Variants in NOL4 observed in about 807,000 individuals in gnomAD.
NOL4 encodes nucleolar protein 4, also known as cancer/testis antigen 125.
In NOL4, 17 loss-of-function variants were observed where a neutral mutation model predicts 75.9. The observed-to-expected ratio is 0.22, with a 90% confidence interval of 0.15 to 0.34. NOL4 has a LOEUF of 0.34. Ranked by LOEUF, NOL4 falls within the 10% of genes least tolerant of loss-of-function variation. The probability of loss-of-function intolerance (pLI) is 1.00; values close to 1 mark genes in which losing one functional copy is unlikely to be tolerated. For missense variants in NOL4, 614 were observed against 793.5 expected, an observed-to-expected ratio of 0.77 and a Z score of 2.72; for synonymous variants, 292 against 289.9, an observed-to-expected ratio of 1.01 and a Z score of -0.07.
chr18:33,922,595 G>C (rs1320565168), intron 9 of NOL4, among the ~76,000 whole-genome samples: 1 of 152,140 alleles, frequency 6.6e-6, no homozygotes, highest in African/African-American at 2.4e-5. Flanking sequence ...GCCTGAAAGA[G>C]CAGACAAATT....
chr18:34,024,194 A>AAAAAAAATATATATATATATATATATAT, intron 5 of NOL4, among the ~76,000 whole-genome samples: 2 of 70,684 alleles, frequency 2.8e-5, no homozygotes, highest in African/African-American at 1.1e-4. Context: ...AAAAAAAAAA[A>AAAAAAAATATATATATATATATATATAT]ATATATATAT....
At chr18:34,163,744 A>C (rs1448055281) in intron 1 of NOL4, among the ~76,000 whole-genome samples, 2 of 152,206 alleles carry the variant, frequency 1.3e-5, no homozygotes, top group Non-Finnish European at 2.9e-5. Context: ...AAACTACTTT[A>C]AAGTTCATAT....
intron 5 of NOL4, among the ~76,000 whole-genome samples, chr18:34,024,187 AAAAAAAAATATAT>A (rs1200884441): frequency 1.1e-5 from 1 of 89,490 alleles, no homozygotes; most frequent in Admixed American, 1.5e-4. Context: ...ACAGGAAAAA[AAAAAAAAATATAT>A]ATATATATAT....
chr18:34,163,713 C>T (rs542251680), intron 1 of NOL4, among the ~76,000 whole-genome samples: 1 of 152,248 alleles, frequency 6.6e-6, no homozygotes, highest in South Asian at 2.1e-4. Context: ...CTACCAGTGA[C>T]TTTCTTCACA....
chr18:33,935,334 C>T (rs1236114276), intron 9 of NOL4, among the ~76,000 whole-genome samples: 1 of 152,112 alleles, frequency 6.6e-6, no homozygotes, highest in African/African-American at 2.4e-5. Context: ...TGAGACTCTT[C>T]CTTTCACTTG....
chr18:34,145,067 C>G (rs918397767), intron 1 of NOL4, among the ~76,000 whole-genome samples: 8 of 152,064 alleles, frequency 5.3e-5, no homozygotes, highest in African/African-American at 1.9e-4. Flanking sequence ...AAGATATTGA[C>G]AGACAAGAAC....
At chr18:34,116,492 T>C (rs941100373) in intron 2 of NOL4, among the ~76,000 whole-genome samples, 9 of 152,202 alleles carry the variant, frequency 5.9e-5, no homozygotes, top group African/African-American at 1.9e-4. Flanking sequence ...GGTAAACTTA[T>C]AAGTTATCCA....
intron 2 of NOL4, among the ~76,000 whole-genome samples, chr18:34,120,724 C>A (rs995469139): frequency 2.0e-5 from 3 of 151,968 alleles, no homozygotes; most frequent in Non-Finnish European, 4.4e-5. Flanking sequence ...CAGTATTCTC[C>A]AAAGATAGGG....
At chr18:33,896,227 C>T (rs562693733) in intron 9 of NOL4, among the ~76,000 whole-genome samples, 5 of 152,120 alleles carry the variant, frequency 3.3e-5, no homozygotes, top group African/African-American at 1.2e-4. Context: ...CTCTACTGCC[C>T]AAAGCAATTT....
intron 9 of NOL4, among the ~76,000 whole-genome samples, chr18:33,931,449 G>T (rs1249332278): frequency 6.6e-6 from 1 of 152,130 alleles, no homozygotes; most frequent in East Asian, 1.9e-4. Context: ...TTAAAGTAGT[G>T]TCTGAGCACA....
At chr18:33,863,885 T>G (rs2063302774) in intron 10 of NOL4, among the ~76,000 whole-genome samples, 1 of 152,136 alleles carries the variant, frequency 6.6e-6, no homozygotes, top group Non-Finnish European at 1.5e-5. Flanking sequence ...TATCCAGGTG[T>G]TCCCATACAG....
At chr18:33,895,056 A>G (rs1000104303) in intron 9 of NOL4, among the ~76,000 whole-genome samples, 1 of 152,172 alleles carries the variant, frequency 6.6e-6, no homozygotes, top group African/African-American at 2.4e-5. Context: ...CACTGTGTAC[A>G]TATATCAAAA....
chr18:34,202,767 T>C (rs1200835191), intron 1 of NOL4, among the ~76,000 whole-genome samples: 2 of 152,066 alleles, frequency 1.3e-5, no homozygotes, highest in Non-Finnish European at 2.9e-5. Context: ...ATGATGTTGT[T>C]ATTGGTATAA....
intron 5 of NOL4, chr18:34,048,523 T>A: frequency 1.0e-6 from 1 of 985,382 alleles, no homozygotes; most frequent in Non-Finnish European, 1.2e-6. Context: ...TCAGGCGAGG[T>A]CCAACCTTTC....
chr18:34,129,175 G>C (rs959628700), intron 2 of NOL4, among the ~76,000 whole-genome samples: 10 of 151,762 alleles, frequency 6.6e-5, no homozygotes, highest in African/African-American at 2.4e-4. Flanking sequence ...GGTATAATTA[G>C]AAACTTTAGA....
chr18:34,153,842 T>C (rs575782633), intron 1 of NOL4, among the ~76,000 whole-genome samples: 5 of 152,142 alleles, frequency 3.3e-5, no homozygotes. Flanking sequence ...ATCTAGAACA[T>C]GTGGTTGCCA....
At chr18:34,066,650 A>T (rs2077287204) in intron 5 of NOL4, among the ~76,000 whole-genome samples, 1 of 151,678 alleles carries the variant, frequency 6.6e-6, no homozygotes, top group Non-Finnish European at 1.5e-5. Flanking sequence ...TTAATTTATT[A>T]TATTTGAAAA....
intron 1 of NOL4, among the ~76,000 whole-genome samples, chr18:34,220,739 A>G (rs1334349934): frequency 1.3e-5 from 2 of 152,310 alleles, no homozygotes; most frequent in South Asian, 2.1e-4. Flanking sequence ...AAACCTCTTC[A>G]ATATTTCAAA....
intron 10 of NOL4, among the ~76,000 whole-genome samples, chr18:33,880,513 A>T (rs1173262634): frequency 6.6e-6 from 1 of 152,070 alleles, no homozygotes; most frequent in Non-Finnish European, 1.5e-5. Context: ...AAGTTCAGAA[A>T]ATTCCTAAAA....
Sources: allele counts gnomAD v4.1 joint callset (sites outside exome capture counted in the v4.1 genomes callset), GRCh38; gene constraint gnomAD v4.1.1; transcripts MANE v1.5; gene names NCBI Gene and HGNC (gene_info 2026-07-23, HGNC 2026-07-21).